Variants in NFIB observed in about 807,000 individuals in gnomAD.
The protein encoded by NFIB is nuclear factor I B.
NFIB carries 11 observed loss-of-function variants against 61.5 expected under a neutral mutation model. That is an observed-to-expected ratio of 0.18 (90% CI 0.11 to 0.30). The LOEUF is 0.30. NFIB is among the 10% of genes least tolerant of loss of function. The pLI, the probability that NFIB is intolerant of heterozygous loss-of-function variation, is 1.00. For synonymous variants in NFIB, 260 were observed against 216.5 expected, an observed-to-expected ratio of 1.20 and a Z score of -1.76; for missense variants, 471 against 608.9, an observed-to-expected ratio of 0.77 and a Z score of 2.38.
intron 1 of NFIB, among the ~76,000 whole-genome samples, chr9:14,323,345 T>C (rs2060706393): frequency 6.6e-6 from 1 of 152,218 alleles, no homozygotes; most frequent in South Asian, 2.1e-4. Flanking sequence ...TTGATCAGCA[T>C]TTTGGAAACA....
chr9:14,252,148 A>G (rs1022387770), intron 2 of NFIB, among the ~76,000 whole-genome samples: 2 of 152,184 alleles, frequency 1.3e-5, no homozygotes, highest in Non-Finnish European at 2.9e-5. Flanking sequence ...GAATTAAAAA[A>G]CAAGATCCAC....
intron 2 of NFIB, chr9:14,204,430 C>A: frequency 8.7e-7 from 1 of 1,145,868 alleles, no homozygotes; most frequent in Middle Eastern, 2.7e-4. Context: ...CCCGCTATAG[C>A]AGGTTGCAGC....
At chr9:14,222,037 TAG>T (rs1175389521) in intron 2 of NFIB, among the ~76,000 whole-genome samples, 1 of 152,184 alleles carries the variant, frequency 6.6e-6, no homozygotes, top group Non-Finnish European at 1.5e-5. Flanking sequence ...TGGCTTAAAT[TAG>T]AAGGTAGCAA....
chr9:14,471,778 A>G, the NFIB span, among the ~76,000 whole-genome samples: 1 of 152,200 alleles, frequency 6.6e-6, no homozygotes, highest in South Asian at 2.1e-4. Context: ...ATTTGCGACA[A>G]TCAGTCTTAG....
chr9:14,118,956 G>A (rs2038562264), intron 8 of NFIB, among the ~76,000 whole-genome samples: 1 of 151,600 alleles, frequency 6.6e-6, no homozygotes, highest in South Asian at 2.1e-4. Flanking sequence ...AACACTAAGG[G>A]CCTGATTTTA....
chr9:14,437,553 G>T, the NFIB span, among the ~76,000 whole-genome samples: 1 of 152,188 alleles, frequency 6.6e-6, no homozygotes, highest in African/African-American at 2.4e-5. Flanking sequence ...ATTGTTCCAC[G>T]TGAGAGAGCC....
At chr9:14,240,091 C>T (rs2054194337) in intron 2 of NFIB, among the ~76,000 whole-genome samples, 1 of 152,084 alleles carries the variant, frequency 6.6e-6, no homozygotes. Flanking sequence ...TCAAATAATA[C>T]ACTGGTCAAG....
chr9:14,396,452 C>G (rs1011042458), intron 1 of NFIB, among the ~76,000 whole-genome samples: 1 of 152,092 alleles, frequency 6.6e-6, no homozygotes, highest in African/African-American at 2.4e-5. Flanking sequence ...CAGCCGTCCT[C>G]TGAAATGAAC....
At chr9:14,234,200 T>C (rs2053502881) in intron 2 of NFIB, among the ~76,000 whole-genome samples, 1 of 152,092 alleles carries the variant, frequency 6.6e-6, no homozygotes. Context: ...AGAGAGAGAT[T>C]AGCATTCTCA....
intron 2 of NFIB, among the ~76,000 whole-genome samples, chr9:14,295,356 T>C (rs1295963060): frequency 2.0e-5 from 3 of 152,108 alleles, no homozygotes; most frequent in Non-Finnish European, 4.4e-5. Context: ...CCGGGCGCGG[T>C]GGCTCATGCC....
At chr9:14,377,715 C>A (rs141044332) in intron 1 of NFIB, among the ~76,000 whole-genome samples, 1 of 152,282 alleles carries the variant, frequency 6.6e-6, no homozygotes, top group Non-Finnish European at 1.5e-5. Context: ...GGTGGATTGA[C>A]CTGGAACTCT....
chr9:14,524,260 T>G, the NFIB span, among the ~76,000 whole-genome samples: 1 of 152,186 alleles, frequency 6.6e-6, no homozygotes. Context: ...AAGTGCCATA[T>G]AATACAGTAG....
chr9:14,409,890 A>T, the NFIB span, among the ~76,000 whole-genome samples: 2 of 152,232 alleles, frequency 1.3e-5, no homozygotes, highest in African/African-American at 4.8e-5. Context: ...GATTTAGGAT[A>T]TGAAAAATTG....
the NFIB span, among the ~76,000 whole-genome samples, chr9:14,478,810 A>G: frequency 6.6e-6 from 1 of 152,212 alleles, no homozygotes; most frequent in Non-Finnish European, 1.5e-5. Context: ...CATTGCTATG[A>G]GTGATTGCTG....
chr9:14,345,039 C>G (rs1003967476), intron 1 of NFIB, among the ~76,000 whole-genome samples: 1 of 152,150 alleles, frequency 6.6e-6, no homozygotes, highest in Non-Finnish European at 1.5e-5. Context: ...AAGCCCAGCT[C>G]CAGGGGTTCT....
chr9:14,096,683 G>A (rs954262098), intron 10 of NFIB: 11 of 152,166 alleles, frequency 7.2e-5, no homozygotes, highest in Admixed American at 3.3e-4. Flanking sequence ...GTTACCAGAC[G>A]GCTTGAGACG....
intron 1 of NFIB, among the ~76,000 whole-genome samples, chr9:14,345,202 A>G (rs2061004527): frequency 6.6e-6 from 1 of 152,164 alleles, no homozygotes; most frequent in Non-Finnish European, 1.5e-5. Context: ...AGGTAAGAGA[A>G]AGGGGCATCT....
the NFIB span, among the ~76,000 whole-genome samples, chr9:14,478,933 G>T: frequency 6.6e-6 from 1 of 152,066 alleles, no homozygotes; most frequent in Non-Finnish European, 1.5e-5. Flanking sequence ...CCATCACCAG[G>T]GTGCACACTC....
rs2032663805 is a variant in NFIB, at chr9:14,085,223, A to G, written c.*3086T>C. Reference sequence around the variant, plus strand: ...CAGCCCATAAGCATTGTTCTAAAGTATTCATTATTAAATGATATGCTGTGA... The same window carrying G: ...CAGCCCATAAGCATTGTTCTAAAGTGTTCATTATTAAATGATATGCTGTGA... On this transcript the variant is annotated 3_prime_UTR_variant, in exon 11 of 11. Transcript: ENST00000380953. 4 of 228,266 alleles carry G rather than the reference A, an allele frequency of 1.8e-5. No homozygotes were observed. In the South Asian group the frequency reaches 5.5e-4, roughly 31 times the overall value. The allele number at this position is 228,266 out of a possible 1,614,324, so 14.1% of individuals were successfully genotyped here.
Sources: allele counts gnomAD v4.1 joint callset (sites outside exome capture counted in the v4.1 genomes callset), GRCh38; gene constraint gnomAD v4.1.1; transcripts MANE v1.5; gene names NCBI Gene and HGNC (gene_info 2026-07-23, HGNC 2026-07-21).